The following NR2F1 variants were observed in gnomAD, a reference collection of about 807,000 sequenced individuals.
NR2F1 encodes the protein COUP transcription factor 1.
NR2F1 carries 1 observed loss-of-function variant against 37.7 expected under a neutral mutation model. The observed-to-expected ratio is 0.03, with a 90% CI of 0.01 to 0.13. The LOEUF (loss-of-function observed/expected upper bound fraction) is 0.13. NR2F1 is among the 10% of genes least tolerant of loss of function. The probability of loss-of-function intolerance (pLI) is 1.00; values close to 1 mark genes in which losing one functional copy is unlikely to be tolerated. For synonymous variants in NR2F1, 275 were observed against 259.6 expected (o/e 1.06, Z -0.57); for missense variants, 268 against 578.4 (o/e 0.46, Z 5.50).
chr5:93,589,041 A>T (rs2149943625), intron 2 of NR2F1, among the ~76,000 whole-genome samples: 1 of 152,244 alleles, frequency 6.6e-6, no homozygotes, highest in South Asian at 2.1e-4. Context: ...ATTTTCCCTT[A>T]TCGGAAACCA....
At chr5:93,586,605 T>C (rs1010778490) in intron 1 of NR2F1, among the ~76,000 whole-genome samples, 2 of 152,224 alleles carry the variant, frequency 1.3e-5, no homozygotes, top group African/African-American at 4.8e-5. Flanking sequence ...CTTCTTGTAA[T>C]TGACTTTAAA....
chr5:93,587,296 G>A (rs1373343047), intron 1 of NR2F1: 2 of 152,098 alleles, frequency 1.3e-5, no homozygotes, highest in Non-Finnish European at 1.5e-5. Context: ...GCTTTTAATA[G>A]TGAGAACTTT....
At chr5:93,590,150 C>G (rs939939407) in intron 2 of NR2F1, among the ~76,000 whole-genome samples, 1 of 152,230 alleles carries the variant, frequency 6.6e-6, no homozygotes, top group South Asian at 2.1e-4. Context: ...TCTCTACTAC[C>G]AGGCTCTTTA....
rs1753162976 is a variant in NR2F1, at chr5:93,583,400, C to T, written c.-1624C>T. On this transcript the variant is annotated 5_prime_UTR_variant, in exon 1 of 3. Coordinates refer to ENST00000327111, the MANE Select transcript of NR2F1 (RefSeq NM_005654.6). ...CTCCTCTCTTCTCTGAACCTCTCTT[C>T]TCTTTCTCTTTTCTTACATATTCTA... is the stretch of plus-strand genomic sequence containing the variant. 6.6e-6 allele frequency: 1 copy of T among 151,056 alleles called. No homozygotes were observed. The allele number at this position is 151,056 out of a possible 1,614,324, so 9.4% of individuals were successfully genotyped here.
intron 2 of NR2F1, 30 bp downstream of exon 2, chr5:93,588,474 C>A: frequency 1.4e-6 from 2 of 1,472,148 alleles, no homozygotes; most frequent in Non-Finnish European, 1.8e-6. Context: ...GAGGGCAGGC[C>A]GCGCCGGCAG....
intron 1 of NR2F1, 90 bp downstream of exon 1, chr5:93,585,576 G>A (rs1430485320): frequency 2.8e-6 from 3 of 1,080,898 alleles, no homozygotes; most frequent in East Asian, 2.6e-5. Context: ...GCTGTGTGGG[G>A]CTGGGGCTCC....
chr5:93,584,977 C>T lies in NR2F1; in HGVS notation c.-47C>T. 3.2e-6 allele frequency: 3 copies of T among 949,522 alleles called. No homozygotes were observed. The highest frequency in any genetic ancestry group is 3.8e-6 in the Non-Finnish European group (3 of 797,380). 58.8% of individuals were successfully genotyped at this position (949,522 alleles called of 1,614,324 possible). On this transcript the variant is annotated 5_prime_UTR_variant, in exon 1 of 3. Transcript: ENST00000327111. ...CAGCGCGCCCGCGCGCCCCGCGGCC[C>T]TCGGCGAGCAGCTCGGCTCCCCCCA...
chr5:93,589,372 C>T (rs1180113351), intron 2 of NR2F1, among the ~76,000 whole-genome samples: 2 of 152,188 alleles, frequency 1.3e-5, no homozygotes, highest in Admixed American at 6.5e-5. Flanking sequence ...GAACAATCCC[C>T]GCTTTTTATT....
At chr5:93,589,915 G>A (rs1279148014) in intron 2 of NR2F1, among the ~76,000 whole-genome samples, 2 of 152,254 alleles carry the variant, frequency 1.3e-5, no homozygotes, top group Non-Finnish European at 2.9e-5. Context: ...TTTACTTTCA[G>A]TGCAAATGCA....
rs1189081258 is a variant in NR2F1 at position 93,584,946 on chromosome 5, C to A, written c.-78C>A. On this transcript the variant is annotated 5_prime_UTR_variant, in exon 1 of 3. Coordinates refer to ENST00000327111, the MANE Select transcript of NR2F1 (RefSeq NM_005654.6). The stretch of plus-strand genomic sequence containing the variant: ...CCCTCCCCCCTTCCCCTTCCCCTTC[C>A]CCTCCCAGCGCGCCCGCGCGCCCCG... The A allele has an allele frequency of 1.1e-5, 3 of 277,538 alleles. No individual in the cohort carries two copies. The highest frequency in any genetic ancestry group is 7.1e-5 in the African/African-American group (3 of 42,250). The allele number at this position is 277,538 out of a possible 1,614,324, so 17.2% of individuals were successfully genotyped here.
chr5:93,585,512 C>A, intron 1 of NR2F1, 26 bp downstream of exon 1: 1 of 1,576,420 alleles, frequency 6.3e-7, no homozygotes, highest in Non-Finnish European at 8.7e-7. Flanking sequence ...CTGCTTCTCT[C>A]CCCGCGCTTC....
intron 2 of NR2F1, among the ~76,000 whole-genome samples, chr5:93,589,848 A>G (rs1385048185): frequency 6.6e-6 from 1 of 152,260 alleles, no homozygotes; most frequent in Non-Finnish European, 1.5e-5. Context: ...TTATTTAGAC[A>G]AGAGCATCTC....
chr5:93,586,508 C>T (rs1753237080), intron 1 of NR2F1, among the ~76,000 whole-genome samples: 1 of 152,142 alleles, frequency 6.6e-6, no homozygotes, highest in Non-Finnish European at 1.5e-5. Flanking sequence ...TAGCCGTTTA[C>T]AGTTAAAGTT....
At position 93,584,304 on chromosome 5, in the gene NR2F1, C is replaced by G. The variant is rs913110431; in HGVS notation, c.-720C>G. On this transcript the variant is annotated 5_prime_UTR_variant, in exon 1 of 3. Coordinates refer to ENST00000327111, the MANE Select transcript of NR2F1 (RefSeq NM_005654.6). The stretch of plus-strand genomic sequence containing the variant: ...CGGCAGCTCCAGCGGCGCCTGCAGC[C>G]GCGACCTCCTCCTCCTCCGCCGCCG... The G allele has an allele frequency of 6.7e-6, 1 of 150,172 alleles. No individual in the cohort carries two copies. Among genetic ancestry groups the G allele is most frequent in the Non-Finnish European group, 1.5e-5 (1 of 67,298 alleles). 9.3% of individuals were successfully genotyped at this position (150,172 alleles called of 1,614,324 possible).
chr5:93,590,626 C>T (rs2149944397), intron 2 of NR2F1, among the ~76,000 whole-genome samples: 1 of 152,306 alleles, frequency 6.6e-6, no homozygotes, highest in Non-Finnish European at 1.5e-5. Context: ...CAACACATTT[C>T]CACTTTTGAC....
At position 93,588,428 on chromosome 5, in the gene NR2F1, C is replaced by A. The variant is rs1474073423; in HGVS notation, c.975C>A (p.Ile325=). The part of the protein sequence containing the change: ...DSAEYSCLKA[I]VLFTSDACGL... ...CCGAGTACAGCTGCCTCAAAGCCAT[C>A]GTGCTGTTCACGTCAGGTGAGGCTG... Residue 325 remains isoleucine, a synonymous_variant, in exon 2 of 3, where the codon ATC becomes ATA. Transcript: ENST00000327111. 1 of 1,606,358 alleles carries A rather than the reference C, an allele frequency of 6.2e-7. No individual in the cohort carries two copies. Among genetic ancestry groups the A allele is most frequent in the Non-Finnish European group, 8.5e-7 (1 of 1,175,262 alleles).
chr5:93,592,851 G>A (rs1051347134), intron 2 of NR2F1, among the ~76,000 whole-genome samples: 4 of 152,062 alleles, frequency 2.6e-5, no homozygotes, highest in African/African-American at 9.7e-5. Context: ...CTAAGGTATA[G>A]ATAGAAGTGT....
At chr5:93,590,375 G>A (rs1753310685) in intron 2 of NR2F1, among the ~76,000 whole-genome samples, 1 of 152,172 alleles carries the variant, frequency 6.6e-6, no homozygotes, top group Non-Finnish European at 1.5e-5. Flanking sequence ...TGAGGACTGT[G>A]CAGGCTGCAG....
intron 2 of NR2F1, among the ~76,000 whole-genome samples, chr5:93,591,591 G>T (rs1435126696): frequency 6.6e-6 from 1 of 152,088 alleles, no homozygotes; most frequent in Non-Finnish European, 1.5e-5. Context: ...GGAGCGGCCT[G>T]TTTGGGAGTT....
Sources: allele counts gnomAD v4.1 joint callset (sites outside exome capture counted in the v4.1 genomes callset), GRCh38; gene constraint gnomAD v4.1.1; transcripts MANE v1.5; gene names NCBI Gene and HGNC (gene_info 2026-07-23, HGNC 2026-07-21).